The following WDR20 variants were observed in gnomAD, a reference collection of about 807,000 sequenced individuals.
WDR20 encodes the protein WD repeat-containing protein 20.
WDR20 carries 3 observed loss-of-function variants against 38.7 expected under a neutral mutation model. That is an observed-to-expected ratio of 0.08 (90% CI 0.04 to 0.20). WDR20 has a LOEUF of 0.20. WDR20 is among the 10% of genes least tolerant of loss of function. WDR20 has a pLI of 1.00. For missense variants in WDR20, 559 were observed against 727.7 expected (o/e 0.77, Z 2.67); for synonymous variants, 298 against 285.6 (o/e 1.04, Z -0.44).
intron 1 of WDR20, among the ~76,000 whole-genome samples, chr14:102,190,552 C>T (rs371902842): frequency 1.3e-5 from 2 of 151,964 alleles, no homozygotes; most frequent in South Asian, 4.2e-4. Context: ...AAGATCACAC[C>T]ATTGCACTCC....
rs376728663 is a variant in WDR20 at position 102,161,619 on chromosome 14, AG to A, written c.249+21451del. The stretch of plus-strand genomic sequence containing the variant: ...CCCATTCAAACTGTTTAAATTTTAA[AG>A]GGGTGTATTGGTGTATGTCACTGAA... On this transcript the variant is annotated intron_variant, in intron 1 of 2. Transcript: ENST00000342702. Among the ~76,000 whole-genome samples the A allele has an allele frequency of 5.3e-5, 8 of 152,224 alleles. No homozygotes were observed. The East Asian group carries it at 1.4e-3, about 26-fold the overall frequency.
At chr14:102,219,540 G>A (rs541621113), downstream of WDR20, among the ~76,000 whole-genome samples, 9 of 152,346 alleles carry the variant, frequency 5.9e-5, no homozygotes, top group South Asian at 1.9e-3. Context: ...ACTGGAGGCC[G>A]GGCCCTTTGG....
Position 102,221,516 on chromosome 14 carries a change from G to A in WDR20, c.1693-1314G>A, listed in dbSNP as rs911813491. Reference sequence around the variant, plus strand: ...GAGCCAGAAGTATGGGGCGTTTGCGGGGTCCTCCACAAGTACAAACAGGGT... The same window carrying A: ...GAGCCAGAAGTATGGGGCGTTTGCGAGGTCCTCCACAAGTACAAACAGGGT... On this transcript the variant is annotated intron_variant, in intron 3 of 3. Transcript: ENST00000335263. The surrounding 1 kb of genome is among the most constrained non-coding windows in gnomAD (Gnocchi z 4.8). Among the ~76,000 whole-genome samples the A allele has an allele frequency of 6.6e-6, 1 of 152,184 alleles. No homozygotes were observed. Among genetic ancestry groups the A allele is most frequent in the Admixed American group, 6.5e-5 (1 of 15,290 alleles).
At chr14:102,158,818 G>C (rs576776568) in intron 1 of WDR20, among the ~76,000 whole-genome samples, 2 of 151,976 alleles carry the variant, frequency 1.3e-5, no homozygotes, top group South Asian at 4.1e-4. Context: ...TCACCTCCCC[G>C]ACTCGTTCGC....
chr14:102,156,011 C>T (rs960929393), intron 1 of WDR20, among the ~76,000 whole-genome samples: 3 of 150,626 alleles, frequency 2.0e-5, no homozygotes, highest in Admixed American at 2.0e-4. Flanking sequence ...TTCCTGGGCT[C>T]ATGCGAACCT....
intron 1 of WDR20, among the ~76,000 whole-genome samples, chr14:102,182,990 G>C (rs528614635): frequency 9.2e-5 from 14 of 152,202 alleles, no homozygotes; most frequent in African/African-American, 3.4e-4. Context: ...CATGAACCCA[G>C]GAGGTGGAGG....
intron 1 of WDR20, among the ~76,000 whole-genome samples, chr14:102,167,232 A>G (rs1472764771): frequency 6.6e-6 from 1 of 151,924 alleles, no homozygotes; most frequent in Non-Finnish European, 1.5e-5. Context: ...TATTTATTTG[A>G]CACAGGGTCT....
Position 102,209,843 on chromosome 14 carries a change from G to T in WDR20, c.1673G>T (p.Trp558Leu). The T allele has an allele frequency of 6.2e-7, 1 of 1,613,016 alleles. No homozygotes were observed. The highest frequency in any genetic ancestry group is 1.3e-5 in the African/African-American group (1 of 75,010). The change falls in exon 3 of 3, where the codon TGG (tryptophan) becomes TTG (leucine). Residue 558 changes from tryptophan to leucine, a missense_variant. Coordinates refer to ENST00000342702, the MANE Select transcript of WDR20 (RefSeq NM_144574.4). This position sits in a 1 kb window ranked among gnomAD's most constrained non-coding sequence, Gnocchi z 6.0. ...TGTCAGGAGGGATTTATTTGCACAT[G>T]GGGAAGGCCTGGTAAAGTGGTAAGT... is the stretch of plus-strand genomic sequence containing the variant. ...TACQEGFICT[W>L]GRPGKVVSFN...
intron 1 of WDR20, among the ~76,000 whole-genome samples, chr14:102,143,607 C>T (rs2052333713): frequency 6.6e-6 from 1 of 151,550 alleles, no homozygotes; most frequent in Non-Finnish European, 1.5e-5. Flanking sequence ...TGCAGTGGCA[C>T]AATCTCGGCT....
intron 2 of WDR20, chr14:102,198,023 C>T (rs1248541522): frequency 4.3e-6 from 2 of 462,414 alleles, no homozygotes; most frequent in Admixed American, 7.3e-5. Context: ...CACTGGTGAC[C>T]ACAGATGGTG....
chr14:102,216,856 C>T (rs573705973), downstream of WDR20, among the ~76,000 whole-genome samples: 1 of 152,278 alleles, frequency 6.6e-6, no homozygotes, highest in South Asian at 2.1e-4. Flanking sequence ...TCACTTGAAC[C>T]CAGGAGGTGG....
intron 1 of WDR20, among the ~76,000 whole-genome samples, chr14:102,156,957 C>G (rs1227192624): frequency 2.0e-5 from 3 of 152,032 alleles, no homozygotes; most frequent in East Asian, 1.9e-4. Flanking sequence ...CGCCGTTGCA[C>G]TCCATCTTGG....
At chr14:102,190,617 A>G (rs1481846649) in intron 1 of WDR20, among the ~76,000 whole-genome samples, 1 of 152,036 alleles carries the variant, frequency 6.6e-6, no homozygotes, top group African/African-American at 2.4e-5. Flanking sequence ...TTGACTAGAC[A>G]GAAGGTGATA....
At chr14:102,151,451 A>T (rs1201131575) in intron 1 of WDR20, among the ~76,000 whole-genome samples, 5 of 152,058 alleles carry the variant, frequency 3.3e-5, no homozygotes, top group Non-Finnish European at 7.4e-5. Context: ...GCTGGAGTGC[A>T]GTGGCTCAAT....
intron 2 of WDR20, among the ~76,000 whole-genome samples, chr14:102,206,857 C>T (rs1472862838): frequency 6.6e-6 from 1 of 152,138 alleles, no homozygotes; most frequent in African/African-American, 2.4e-5. Context: ...GTTCACCATC[C>T]CATCATCCTT....
downstream of WDR20, chr14:102,212,624 C>T (rs1411273648): frequency 6.5e-7 from 1 of 1,534,718 alleles, no homozygotes; most frequent in Non-Finnish European, 8.7e-7. Context: ...GAGAGAGGGG[C>T]AGGGAAGCGC....
rs1372569049 is a variant in WDR20 at position 102,207,732 on chromosome 14, T to C, written c.433-871T>C. 1.3e-5 allele frequency among the ~76,000 whole-genome samples: 2 copies of C among 152,134 alleles called. No individual in the cohort carries two copies. Among genetic ancestry groups the C allele is most frequent in the Non-Finnish European group, 2.9e-5 (2 of 68,022 alleles). On this transcript the variant is annotated intron_variant, in intron 2 of 2. Transcript: ENST00000342702. The surrounding 1 kb of genome is among the most constrained non-coding windows in gnomAD (Gnocchi z 5.0). ...TTGCGCTGGCATCCCCATCACAGGA[T>C]TGATTGGCAAGCAGGGAAAGAGACT...
At chr14:102,148,669 TTGTGTGTGTGTGTGTGTGTGTG>T (rs10525828) in intron 1 of WDR20, among the ~76,000 whole-genome samples, 12 of 144,836 alleles carry the variant, frequency 8.3e-5, no homozygotes, top group Admixed American at 5.5e-4. Flanking sequence ...GAGTTTGGCT[TTGTGTGTGTGTGTGTGTGTGTG>T]TGTGTGTGTG....
Position 102,221,221 on chromosome 14 carries a change from G to A in WDR20, c.1693-1609G>A, listed in dbSNP as rs1312620656. Among the ~76,000 whole-genome samples, 1 of 152,068 alleles carries A rather than the reference G, an allele frequency of 6.6e-6. No individual in the cohort carries two copies. Among genetic ancestry groups the A allele is most frequent in the African/African-American group, 2.4e-5 (1 of 41,394 alleles). On this transcript the variant is annotated intron_variant, in intron 3 of 3. Coordinates refer to the WDR20 transcript ENST00000335263. This position sits in a 1 kb window ranked among gnomAD's most constrained non-coding sequence, Gnocchi z 4.8. ...TGCCAGATGAGGGTGGCCCCTCTCC[G>A]TCTGTCCCCAGGCTGGGTCACCACC...
Sources: gnomAD v4.1 joint callset for allele counts (sites outside exome capture counted in the v4.1 genomes callset) on GRCh38, gnomAD v4.1.1 for gene constraint, Gnocchi (gnomAD v3.1) non-coding constraint, MANE v1.5 for transcripts, NCBI Gene and HGNC (gene_info 2026-07-23, HGNC 2026-07-21) for gene names.